Variants in TMEM135 observed in about 807,000 individuals in gnomAD.
TMEM135 encodes the protein peroxisomal membrane protein 52.
A neutral mutation model predicts 60.3 loss-of-function variants in TMEM135; 30 were observed. The ratio of observed to expected loss-of-function variants is 0.50; its 90% CI spans 0.37 to 0.68. TMEM135 has a LOEUF of 0.68. Ranked by LOEUF, TMEM135 falls within the 30% of genes least tolerant of loss-of-function variation. The pLI is 0.00. For synonymous variants in TMEM135, 190 were observed against 186.7 expected (o/e 1.02, Z -0.14); for missense variants, 468 against 548.8 (o/e 0.85, Z 1.47).
intron 4 of TMEM135, among the ~76,000 whole-genome samples, chr11:87,110,113 A>T (rs1005398358): frequency 6.6e-6 from 1 of 152,128 alleles, no homozygotes; most frequent in South Asian, 2.1e-4. Context: ...GTGGCAGTGT[A>T]CCCACTGTAG....
chr11:87,288,363 C>T (rs1942206085), intron 6 of TMEM135, among the ~76,000 whole-genome samples: 2 of 152,122 alleles, frequency 1.3e-5, no homozygotes, highest in South Asian at 4.1e-4. Context: ...TGAAAAGTTT[C>T]TCTTTGAACC....
At chr11:87,116,633 A>G (rs1409845429) in intron 4 of TMEM135, among the ~76,000 whole-genome samples, 2 of 129,720 alleles carry the variant, frequency 1.5e-5, no homozygotes, top group African/African-American at 5.6e-5. Context: ...ACACACATAC[A>G]CACACACACA....
At chr11:87,161,660 A>G (rs957811035) in intron 5 of TMEM135, among the ~76,000 whole-genome samples, 1 of 152,192 alleles carries the variant, frequency 6.6e-6, no homozygotes, top group South Asian at 2.1e-4. Context: ...ACAGAGAGTC[A>G]CTGAGAACAT....
At chr11:87,305,827 C>CTT (rs199727648) in intron 8 of TMEM135, 109 bp from the exon 9 acceptor site, 5,834 of 420,054 alleles carry the variant, frequency 0.014, 44 homozygotes, top group African/African-American at 0.022. Flanking sequence ...TCTTCTCTCT[C>CTT]TTTTTTTTTT....
intron 6 of TMEM135, among the ~76,000 whole-genome samples, chr11:87,247,635 C>G (rs1201282061): frequency 6.6e-6 from 1 of 152,202 alleles, no homozygotes; most frequent in Non-Finnish European, 1.5e-5. Flanking sequence ...CAGTCAGACT[C>G]CGTGGGCGTA....
At chr11:87,169,868 T>C (rs930368380) in intron 5 of TMEM135, among the ~76,000 whole-genome samples, 3 of 152,190 alleles carry the variant, frequency 2.0e-5, no homozygotes, top group Non-Finnish European at 4.4e-5. Flanking sequence ...GTTGGGAAGT[T>C]CTTCTGGGTA....
At chr11:87,133,705 C>T (rs1938003965) in intron 4 of TMEM135, among the ~76,000 whole-genome samples, 1 of 152,150 alleles carries the variant, frequency 6.6e-6, no homozygotes, top group Non-Finnish European at 1.5e-5. Flanking sequence ...CTTCTCCCTC[C>T]CACTTTCCCA....
chr11:87,296,427 A>G (rs1469062102), intron 7 of TMEM135, among the ~76,000 whole-genome samples: 1 of 152,196 alleles, frequency 6.6e-6, no homozygotes, highest in Non-Finnish European at 1.5e-5. Context: ...TATTTGACTA[A>G]TTTAACATCA....
chr11:87,142,203 C>T (rs1225043618), intron 4 of TMEM135, among the ~76,000 whole-genome samples: 1 of 152,162 alleles, frequency 6.6e-6, no homozygotes, highest in Non-Finnish European at 1.5e-5. Context: ...TCGAGCAGGT[C>T]TGTAGAAAAT....
chr11:87,271,434 A>AGGCTAGTTAC (rs1941860194), intron 6 of TMEM135, among the ~76,000 whole-genome samples: 1 of 152,224 alleles, frequency 6.6e-6, no homozygotes, highest in Non-Finnish European at 1.5e-5. Context: ...GTAAAACAGC[A>AGGCTAGTTAC]TTGTCCAATA....
chr11:87,098,744 A>G (rs943280422), intron 4 of TMEM135, among the ~76,000 whole-genome samples: 2 of 152,010 alleles, frequency 1.3e-5, no homozygotes, highest in East Asian at 3.9e-4. Flanking sequence ...GCTGCAGTGC[A>G]GTGGTGCCAT....
chr11:87,229,408 A>G (rs1940838604), intron 5 of TMEM135, among the ~76,000 whole-genome samples: 4 of 152,144 alleles, frequency 2.6e-5, no homozygotes, highest in Admixed American at 1.3e-4. Context: ...ATATGAAATA[A>G]TATTTCTTTC....
At position 87,324,106 on chromosome 11, in the gene TMEM135, C is replaced by T. The variant is rs1252373538; in HGVS notation, c.*2773C>T. On this transcript the variant is annotated 3_prime_UTR_variant, in exon 15 of 15. Transcript: ENST00000305494. ...TCACACAGTATTTTCTTGTTGTGCT[C>T]GAGTGTTCGTCTCCTTGTAGATTGT... 4 of 453,932 alleles carry T rather than the reference C, an allele frequency of 8.8e-6. No individual in the cohort carries two copies. The highest frequency in any genetic ancestry group is 2.4e-5 in the Admixed American group (1 of 42,550). The allele number at this position is 453,932 out of a possible 1,614,324, so 28.1% of individuals were successfully genotyped here. A position where few individuals can be genotyped will look rare whatever the true frequency, so the allele number is the denominator to read the frequency against.
intron 3 of TMEM135, among the ~76,000 whole-genome samples, chr11:87,075,983 T>TC (rs911770055): frequency 4.6e-5 from 7 of 152,214 alleles, no homozygotes; most frequent in African/African-American, 1.7e-4. Flanking sequence ...CTGCGCTGGG[T>TC]CAGACTTGAA....
intron 11 of TMEM135, 43 bp from the exon 12 acceptor site, chr11:87,314,428 A>C: frequency 1.3e-6 from 2 of 1,496,962 alleles, no homozygotes; most frequent in Non-Finnish European, 1.9e-6. Flanking sequence ...TAACAAATAA[A>C]TACTCTGCGA....
rs71040294 is a variant in TMEM135 at position 87,129,015 on chromosome 11, G to GT, written c.397-28316dup. ...AAGCAGGTTTAAGGTTTTTTTTTTTGTTTTTTTTTTAACCTAGAGTTATAG... is the reference window on the plus strand; with the variant it reads ...AAGCAGGTTTAAGGTTTTTTTTTTTGTTTTTTTTTTTAACCTAGAGTTATAG... On this transcript the variant is annotated intron_variant, in intron 4 of 14. Transcript: ENST00000305494. 2.1e-3 allele frequency among the ~76,000 whole-genome samples: 291 copies of GT among 140,558 alleles called. 2 individuals carry two copies. Among genetic ancestry groups the GT allele is most frequent in the African/African-American group, 6.6e-3 (250 of 38,122 alleles). The allele number at this position is 140,558 out of a possible 152,430, so 92.2% of individuals were successfully genotyped here.
At chr11:87,315,418 GCAT>G (rs560366092) in intron 12 of TMEM135, among the ~76,000 whole-genome samples, 185 of 151,932 alleles carry the variant, frequency 1.2e-3, no homozygotes, top group African/African-American at 4.3e-3. Context: ...ACTTCCAATT[GCAT>G]CATCACATGA....
At chr11:87,061,269 A>G (rs1204165997) in intron 1 of TMEM135, among the ~76,000 whole-genome samples, 1 of 152,160 alleles carries the variant, frequency 6.6e-6, no homozygotes, top group Non-Finnish European at 1.5e-5. Flanking sequence ...ACCTCCTAGG[A>G]GACATTTAAC....
intron 4 of TMEM135, among the ~76,000 whole-genome samples, chr11:87,154,857 A>T (rs1335892528): frequency 2.0e-5 from 3 of 152,252 alleles, no homozygotes; most frequent in African/African-American, 7.2e-5. Context: ...GGAGTTCCTA[A>T]TATACTCTGG....
Sources: allele counts gnomAD v4.1 joint callset (sites outside exome capture counted in the v4.1 genomes callset), GRCh38; gene constraint gnomAD v4.1.1; transcripts MANE v1.5; gene names NCBI Gene and HGNC (gene_info 2026-07-23, HGNC 2026-07-21).